CREM: variants seen among roughly 807,000 people sequenced by gnomAD.
The protein encoded by CREM is cAMP responsive element modulator.
A neutral mutation model predicts 37.3 loss-of-function variants in CREM; 13 were observed. The ratio of observed to expected loss-of-function variants is 0.35; its 90% CI spans 0.23 to 0.55. The LOEUF is 0.55. CREM is among the 20% of genes least tolerant of loss of function. The pLI, the probability that CREM is intolerant of heterozygous loss-of-function variation, is 0.88. For missense variants in CREM, 296 were observed against 362.3 expected (o/e 0.82, Z 1.49); for synonymous variants, 124 against 120.2 (o/e 1.03, Z -0.21).
At chr10:35,147,044 T>TTTG (rs1168168205) in intron 2 of CREM, among the ~76,000 whole-genome samples, 826 of 69,146 alleles carry the variant, frequency 0.012, 22 homozygotes, top group African/African-American at 0.031. Flanking sequence ...TTTTTGGGTT[T>TTTG]TTTTTTTTTT....
intron 3 of CREM, chr10:35,158,722 T>C (rs573382220): frequency 6.6e-6 from 1 of 152,436 alleles, no homozygotes; most frequent in Non-Finnish European, 1.5e-5. Context: ...GCTCAAGTTA[T>C]ATTCTTAAGG....
intron 2 of CREM, among the ~76,000 whole-genome samples, chr10:35,140,495 A>G (rs2091269676): frequency 6.6e-6 from 1 of 152,184 alleles, no homozygotes; most frequent in Non-Finnish European, 1.5e-5. Context: ...AACACCTGAC[A>G]GTTGCACAGT....
intron 6 of CREM, among the ~76,000 whole-genome samples, chr10:35,198,836 T>C (rs1376681107): frequency 6.6e-6 from 1 of 152,216 alleles, no homozygotes; most frequent in Non-Finnish European, 1.5e-5. Context: ...TTATTTTTGC[T>C]TAAAAATATT....
chr10:35,179,415 A>G, intron 5 of CREM, 139 bp downstream of exon 5: 1 of 982,416 alleles, frequency 1.0e-6, no homozygotes, highest in Non-Finnish European at 1.4e-6. Flanking sequence ...ATAGAATGAA[A>G]GTATATGTTA....
chr10:35,155,797 G>A (rs1395647473), intron 3 of CREM, among the ~76,000 whole-genome samples: 1 of 145,082 alleles, frequency 6.9e-6, no homozygotes, highest in African/African-American at 2.6e-5. Context: ...CTGGCTAATT[G>A]TTTTTGTAGT....
At chr10:35,147,056 T>G (rs1051314888) in intron 2 of CREM, among the ~76,000 whole-genome samples, 7 of 98,294 alleles carry the variant, frequency 7.1e-5, no homozygotes, top group Non-Finnish European at 7.2e-5. Flanking sequence ...TTTTTTTTTT[T>G]TTTTTTTTTT....
chr10:35,202,382 T>C (rs1462088341), intron 6 of CREM, among the ~76,000 whole-genome samples: 1 of 152,212 alleles, frequency 6.6e-6, no homozygotes, highest in Non-Finnish European at 1.5e-5. Context: ...AAATTAAAAC[T>C]TGTGACATTT....
intron 5 of CREM, among the ~76,000 whole-genome samples, chr10:35,187,114 A>ATT (rs2094631858): frequency 3.8e-5 from 3 of 78,174 alleles, no homozygotes; most frequent in South Asian, 6.1e-4. Flanking sequence ...TATATTATAT[A>ATT]AATATATAAA....
chr10:35,175,832 C>T (rs1396305774), intron 3 of CREM: 3 of 1,599,048 alleles, frequency 1.9e-6, no homozygotes, highest in East Asian at 4.6e-5. Context: ...CTTTAATCCT[C>T]AATGGTGATC....
At chr10:35,156,562 C>T (rs986066954) in intron 3 of CREM, among the ~76,000 whole-genome samples, 2 of 152,224 alleles carry the variant, frequency 1.3e-5, no homozygotes, top group Non-Finnish European at 2.9e-5. Context: ...AGACTATTTT[C>T]TTTCCCTTAT....
In CREM at chr10:35,127,162, C is replaced by G. The variant is rs2087918660; in HGVS notation, c.-86C>G. ...ACCTCCTCGCGTCCGTAATCAGTGACGAGGTCCGCTACGTAAATCCCTTTG... is the reference window on the plus strand; with the variant it reads ...ACCTCCTCGCGTCCGTAATCAGTGAGGAGGTCCGCTACGTAAATCCCTTTG... On this transcript the variant is annotated 5_prime_UTR_variant, in exon 1 of 8. Transcript: ENST00000685392. 1 of 152,658 alleles carries G rather than the reference C, an allele frequency of 6.6e-6. No individual in the cohort carries two copies. 9.5% of individuals were successfully genotyped at this position (152,658 alleles called of 1,614,324 possible).
intron 7 of CREM, among the ~76,000 whole-genome samples, chr10:35,210,088 A>G (rs1355897206): frequency 6.6e-6 from 1 of 152,048 alleles, no homozygotes; most frequent in Non-Finnish European, 1.5e-5. Context: ...AAAATCATGT[A>G]TACATCACAT....
intron 5 of CREM, among the ~76,000 whole-genome samples, chr10:35,181,192 A>G (rs768273023): frequency 2.6e-5 from 4 of 152,220 alleles, no homozygotes; most frequent in Non-Finnish European, 5.9e-5. Context: ...GGAAGGAACC[A>G]TCTTTGTGCC....
chr10:35,142,737 C>G (rs2091593387), intron 2 of CREM, among the ~76,000 whole-genome samples: 1 of 152,140 alleles, frequency 6.6e-6, no homozygotes, highest in Admixed American at 6.5e-5. Context: ...TCCTGAGTAG[C>G]TGGGACTACA....
At chr10:35,175,344 G>A (rs1318094943) in intron 3 of CREM, among the ~76,000 whole-genome samples, 4 of 152,170 alleles carry the variant, frequency 2.6e-5, no homozygotes, top group Non-Finnish European at 1.5e-5. Flanking sequence ...TACTCAGGAG[G>A]CTGAGGCAGG....
At chr10:35,211,050 G>A (rs533929941) in intron 7 of CREM, among the ~76,000 whole-genome samples, 10 of 152,314 alleles carry the variant, frequency 6.6e-5, no homozygotes, top group African/African-American at 2.4e-4. Flanking sequence ...ATGAATGCTG[G>A]GCGAACTGTG....
At chr10:35,202,762 A>G (rs2095416458) in intron 6 of CREM, among the ~76,000 whole-genome samples, 1 of 152,232 alleles carries the variant, frequency 6.6e-6, no homozygotes, top group Admixed American at 6.5e-5. Flanking sequence ...TGAGGGAAGT[A>G]AAATGAATAT....
At chr10:35,175,261 TG>T (rs768076784) in intron 3 of CREM, among the ~76,000 whole-genome samples, 12,084 of 152,074 alleles carry the variant, frequency 0.079, 1,428 homozygotes, top group African/African-American at 0.26. Context: ...TCCTGGCTAA[TG>T]GGTGAAACCC....
At chr10:35,175,715 C>T (rs749984746) in intron 3 of CREM, 3 of 1,614,052 alleles carry the variant, frequency 1.9e-6, no homozygotes, top group Non-Finnish European at 2.5e-6. Context: ...GGTAAGTATC[C>T]TAGATAGTTT....
Sources: allele counts gnomAD v4.1 joint callset (sites outside exome capture counted in the v4.1 genomes callset), GRCh38; gene constraint gnomAD v4.1.1; transcripts MANE v1.5; gene names NCBI Gene and HGNC (gene_info 2026-07-23, HGNC 2026-07-21).